The following MYO1C variants were observed in gnomAD, a reference collection of about 807,000 sequenced individuals.
MYO1C encodes the protein unconventional myosin-Ic.
A neutral mutation model predicts 150.8 loss-of-function variants in MYO1C; 104 were observed. That is an observed-to-expected ratio of 0.69 (90% CI 0.59 to 0.81). The LOEUF (loss-of-function observed/expected upper bound fraction) is 0.81, where lower values mean the gene tolerates loss of function less well. MYO1C is among the 30% of genes least tolerant of loss of function. The pLI, the probability that MYO1C is intolerant of heterozygous loss-of-function variation, is 0.00. For missense variants in MYO1C, 1,504 were observed against 1,435.0 expected (o/e 1.05, Z -0.78); for synonymous variants, 663 against 579.9 (o/e 1.14, Z -2.06).
At position 1,478,878 on chromosome 17, in the gene MYO1C, T is replaced by A; in HGVS notation, c.1093-143A>T. ...CCTGCAGTATGGGGAGGGGTGCTGGTAGTGGGACCTCAGGGAGGACAGGTG... is the reference window on the plus strand; with the variant it reads ...CCTGCAGTATGGGGAGGGGTGCTGGAAGTGGGACCTCAGGGAGGACAGGTG... On this transcript the variant is annotated intron_variant, in intron 9 of 31. Coordinates refer to ENST00000648651, the MANE Select transcript of MYO1C (RefSeq NM_001080779.2). The surrounding 1 kb of genome is among the most constrained non-coding windows in gnomAD (Gnocchi z 6.3). 1 of 1,352,674 alleles carries A rather than the reference T, an allele frequency of 7.4e-7. No homozygotes were observed. Among genetic ancestry groups the A allele is most frequent in the South Asian group, 1.3e-5 (1 of 79,770 alleles). 83.8% of individuals were successfully genotyped at this position (1,352,674 alleles called of 1,614,324 possible).
At chr17:1,471,385 T>C in intron 19 of MYO1C, 49 bp from the exon 20 acceptor site, 1 of 1,537,408 alleles carries the variant, frequency 6.5e-7, no homozygotes, top group Non-Finnish European at 8.9e-7. Context: ...CAGCCTGCCC[T>C]GGGGACCCCA....
rs776797019 is a variant in MYO1C at position 1,483,053 on chromosome 17, G to A, written c.354C>T (p.Ala118=). 106 of 1,604,182 alleles carry A rather than the reference G, an allele frequency of 6.6e-5. 1 individual carries two copies. The highest frequency in any genetic ancestry group is 6.1e-4 in the South Asian group (55 of 89,818). Residue 118 remains alanine, a synonymous_variant, in exon 4 of 32, where the codon GCC becomes GCT. Coordinates refer to ENST00000648651, the MANE Select transcript of MYO1C (RefSeq NM_001080779.2). ...GTGCTCGGTACACAGTGTCCGCCAC[G>A]GCAAACCTGGGGCGGAGGCTCGTCA... ...SFYEVPPHLF[A]VADTVYRALR...
chr17:1,469,334 C>T (rs79685555), intron 25 of MYO1C, 197 bp downstream of exon 25: 6 of 468,768 alleles, frequency 1.3e-5, no homozygotes, highest in East Asian at 3.5e-5. Context: ...GAGATAAATA[C>T]GGTAGGCGGG....
chr17:1,481,808 T>A (rs1233208822), intron 5 of MYO1C, among the ~76,000 whole-genome samples: 1 of 128,014 alleles, frequency 7.8e-6, no homozygotes, highest in Non-Finnish European at 1.6e-5. Context: ...GCCCGATGAC[T>A]CCCCTTCTAC....
chr17:1,478,279 G>C lies in MYO1C; in HGVS notation c.1296-87C>G. 1 of 1,555,618 alleles carries C rather than the reference G, an allele frequency of 6.4e-7. No homozygotes were observed. On this transcript the variant is annotated intron_variant, in intron 11 of 31. Coordinates refer to ENST00000648651, the MANE Select transcript of MYO1C (RefSeq NM_001080779.2). The surrounding 1 kb of genome is among the most constrained non-coding windows in gnomAD (Gnocchi z 6.3). ...AAGCTGGACGACGCCCCTGAGCACA[G>C]GAGGTGAGAAACACAGAGACAGTCC... is the stretch of plus-strand genomic sequence containing the variant.
At chr17:1,475,068 C>G (rs758485692) in intron 14 of MYO1C, 36 bp from the exon 15 acceptor site, 2 of 1,545,212 alleles carry the variant, frequency 1.3e-6, no homozygotes, top group African/African-American at 2.7e-5. Flanking sequence ...AGATGGCTGC[C>G]GGCCTGAGCC....
chr17:1,487,027 G>C lies in MYO1C; in HGVS notation c.76-2724C>G, dbSNP rs1286853640. On this transcript the variant is annotated intron_variant, in intron 1 of 31. Coordinates refer to ENST00000648651, the MANE Select transcript of MYO1C (RefSeq NM_001080779.2). ...AAAGGCTGGGCTGGTTCTTCCTCGC[G>C]GTGGGACTCTGAGCAAGTCACTTAA... 3 of 152,448 alleles carry C rather than the reference G, an allele frequency of 2.0e-5. No homozygotes were observed. The East Asian group carries it at 5.8e-4, about 29-fold the overall frequency. 9.4% of individuals were successfully genotyped at this position (152,448 alleles called of 1,614,324 possible).
At position 1,465,880 on chromosome 17, in the gene MYO1C, T is replaced by G. The variant is rs1598315754; in HGVS notation, c.3166-128A>C. The G allele has an allele frequency of 5.6e-5, 37 of 662,718 alleles. No individual in the cohort carries two copies. The East Asian group carries it at 1.2e-3, about 21-fold the overall frequency. 41.1% of individuals were successfully genotyped at this position (662,718 alleles called of 1,614,324 possible). ...TGGGGTCTCGCTATATTGTCCAGGC[T>G]GGTCTTGGACTCCTGGGCTCAAGCT... On this transcript the variant is annotated intron_variant, in intron 31 of 31. Coordinates refer to ENST00000648651, the MANE Select transcript of MYO1C (RefSeq NM_001080779.2).
rs767751167 is a variant in MYO1C at position 1,478,366 on chromosome 17, G to C, written c.1295+44C>G. The C allele has an allele frequency of 1.9e-6, 3 of 1,609,672 alleles. No individual in the cohort carries two copies. Among genetic ancestry groups the C allele is most frequent in the East Asian group, 2.2e-5 (1 of 44,864 alleles). On this transcript the variant is annotated intron_variant, in intron 11 of 31. Transcript: ENST00000648651. The surrounding 1 kb of genome is among the most constrained non-coding windows in gnomAD (Gnocchi z 6.3). ...GCTGGAGGACAGAAGAGAGGGAGCAGGACAGGAGACCGGGAGGAGAGACGG... is the reference window on the plus strand; with the variant it reads ...GCTGGAGGACAGAAGAGAGGGAGCACGACAGGAGACCGGGAGGAGAGACGG...
At chr17:1,477,305 G>A (rs886394663) in intron 14 of MYO1C, 200 bp downstream of exon 14, 1 of 619,372 alleles carries the variant, frequency 1.6e-6, no homozygotes, top group Non-Finnish European at 3.0e-6. Flanking sequence ...CCAGCCTTCT[G>A]CATAGATGGG....
chr17:1,480,566 C>A lies in MYO1C; in HGVS notation c.867G>T (p.Lys289Asn). Residue 289 changes from lysine (K) to asparagine (N), a missense_variant, in exon 7 of 32, where the codon AAG (lysine) becomes AAT (asparagine). By Grantham distance (94) the Lys-to-Asn change is moderately conservative (BLOSUM62 0). Transcript: ENST00000648651. ...NDKSDWKVVRKALTVIDFTED... is the reference protein window; with the variant it reads ...NDKSDWKVVRNALTVIDFTED... ...CGGTGAAATCAATGACTGTCAGAGC[C>A]TTCCTGACGACCTTCCAGTCACTCT... is the stretch of plus-strand genomic sequence containing the variant. 6.2e-7 allele frequency: 1 copy of A among 1,614,208 alleles called. No individual in the cohort carries two copies. Among genetic ancestry groups the A allele is most frequent in the Non-Finnish European group, 8.5e-7 (1 of 1,180,038 alleles).
intron 1 of MYO1C, among the ~76,000 whole-genome samples, chr17:1,488,996 T>A (rs1330536377): frequency 6.6e-6 from 1 of 152,108 alleles, no homozygotes; most frequent in Non-Finnish European, 1.5e-5. Flanking sequence ...TCCCCCAGCC[T>A]AAGGGCACAC....
At chr17:1,481,546 G>A (rs973444784) in intron 5 of MYO1C, among the ~76,000 whole-genome samples, 2 of 151,920 alleles carry the variant, frequency 1.3e-5, no homozygotes, top group African/African-American at 2.4e-5. Context: ...TTTCACCCAG[G>A]CTGGAGTGCA....
chr17:1,490,219 C>G (rs150607337), intron 1 of MYO1C, among the ~76,000 whole-genome samples: 1,605 of 151,836 alleles, frequency 0.011, 33 homozygotes, highest in African/African-American at 0.036. Context: ...ACCTCCAGGC[C>G]GGGCGCGGTG....
Position 1,467,560 on chromosome 17 carries a change from C to G in MYO1C, c.2985G>C (p.Gln995His). 1 of 1,613,454 alleles carries G rather than the reference C, an allele frequency of 6.2e-7. No individual in the cohort carries two copies. The highest frequency in any genetic ancestry group is 8.5e-7 in the Non-Finnish European group (1 of 1,179,928). Residue 995 changes from glutamine to histidine, a missense_variant, in exon 30 of 32, where the codon CAG becomes CAC. Transcript: ENST00000648651. The part of the protein sequence containing the change: ...DNKQKGDVVL[Q>H]SDHVIETLTK... The stretch of plus-strand genomic sequence containing the variant: ...TCAGCGTCTCAATCACGTGGTCACT[C>G]TGCAGCACCACATCTCCCTGGGGGG...
intron 13 of MYO1C, 128 bp downstream of exon 13, chr17:1,477,763 C>T (rs1404524380): frequency 1.9e-6 from 2 of 1,069,792 alleles, no homozygotes; most frequent in East Asian, 2.4e-5. Flanking sequence ...CCTCCATTCA[C>T]AGCTCTGCCC....
intron 5 of MYO1C, 21 bp from the exon 6 acceptor site, chr17:1,480,906 G>A (rs749592974): frequency 2.9e-5 from 46 of 1,612,968 alleles, no homozygotes; most frequent in African/African-American, 6.7e-5. Flanking sequence ...GGCAGGGCAT[G>A]AGGCCGGGTC....
chr17:1,466,366 T>C (rs2074171390), intron 31 of MYO1C, among the ~76,000 whole-genome samples: 1 of 151,892 alleles, frequency 6.6e-6, no homozygotes, highest in African/African-American at 2.4e-5. Context: ...ATTTTGCTCT[T>C]GTTGCCCAGG....
chr17:1,472,281 A>T (rs1235624459), intron 17 of MYO1C, 53 bp from the exon 18 acceptor site: 1 of 1,513,760 alleles, frequency 6.6e-7, no homozygotes, highest in African/African-American at 1.4e-5. Flanking sequence ...AAAGCTGCTG[A>T]CCCCAGCAGC....
Sources: gnomAD v4.1 joint callset for allele counts (sites outside exome capture counted in the v4.1 genomes callset) on GRCh38, gnomAD v4.1.1 for gene constraint, Gnocchi (gnomAD v3.1) non-coding constraint, MANE v1.5 for transcripts, NCBI Gene and HGNC (gene_info 2026-07-23, HGNC 2026-07-21) for gene names.